Variants in ZDHHC1 observed in about 807,000 individuals in gnomAD.
ZDHHC1 encodes the protein zDHHC palmitoyltransferase 1.
Under a neutral mutation model 46.9 loss-of-function variants are expected in ZDHHC1, and 45 were observed. The observed-to-expected ratio is 0.96, with a 90% CI of 0.76 to 1.23. The LOEUF (loss-of-function observed/expected upper bound fraction) is 1.23. ZDHHC1 is among the 50% of genes most tolerant of loss of function. The probability of loss-of-function intolerance (pLI) is 0.00; values close to 1 mark genes in which losing one functional copy is unlikely to be tolerated. For synonymous variants in ZDHHC1, 291 were observed against 286.0 expected (o/e 1.02, Z -0.18); for missense variants, 649 against 670.8 (o/e 0.97, Z 0.36).
At chr16:67,398,793 G>A (rs372354325) in intron 6 of ZDHHC1, 27 bp downstream of exon 6, 20 of 1,612,310 alleles carry the variant, frequency 1.2e-5, no homozygotes, top group Non-Finnish European at 1.7e-5. Context: ...GGTTGGGGGT[G>A]AGAATAGGCC....
chr16:67,397,706 T>G (rs915567511), intron 8 of ZDHHC1, among the ~76,000 whole-genome samples: 1 of 152,156 alleles, frequency 6.6e-6, no homozygotes, highest in Non-Finnish European at 1.5e-5. Flanking sequence ...GGTCAGCCAC[T>G]GGCCTGGCCA....
Position 67,394,907 on chromosome 16 carries a change from G to T in ZDHHC1, c.1166-14C>A. The T allele has an allele frequency of 6.4e-7, 1 of 1,567,944 alleles. No homozygotes were observed. The highest frequency in any genetic ancestry group is 8.6e-7 in the Non-Finnish European group (1 of 1,157,974). On this transcript the variant is annotated splice_polypyrimidine_tract_variant and intron_variant, in intron 11 of 11. Transcript: ENST00000565726. The stretch of plus-strand genomic sequence containing the variant: ...GGGCCCTAGGCCCTGCGCAAGGGAA[G>T]GGAACATGAGCCCAGTGGCTGCGGC...
At chr16:67,400,870 C>G in intron 4 of ZDHHC1, 87 bp downstream of exon 4, 1 of 1,484,790 alleles carries the variant, frequency 6.7e-7, no homozygotes, top group Non-Finnish European at 9.2e-7. Flanking sequence ...TCTGAGGCAT[C>G]AGGGATGTCT....
Position 67,406,467 on chromosome 16 carries a change from G to T in ZDHHC1, c.10-25C>A. On this transcript the variant is annotated intron_variant, in intron 2 of 11. Coordinates refer to ENST00000565726, the MANE Select transcript of ZDHHC1 (RefSeq NM_001323627.2). The surrounding 1 kb of genome is among the most constrained non-coding windows in gnomAD (Gnocchi z 4.1). ...TCTCCAGAGGGAGAAACAGTAGAGAGAGCATTAGCCCAAGAAGCTGGGCTG... is the reference window on the plus strand; with the variant it reads ...TCTCCAGAGGGAGAAACAGTAGAGATAGCATTAGCCCAAGAAGCTGGGCTG... 6.7e-7 allele frequency: 1 copy of T among 1,485,656 alleles called. No individual in the cohort carries two copies. The highest frequency in any genetic ancestry group is 9.0e-7 in the Non-Finnish European group (1 of 1,115,428). The allele number at this position is 1,485,656 out of a possible 1,614,324, so 92.0% of individuals were successfully genotyped here.
chr16:67,398,409 G>A, intron 7 of ZDHHC1, 85 bp from the exon 8 acceptor site: 5 of 1,531,874 alleles, frequency 3.3e-6, no homozygotes, highest in Non-Finnish European at 4.4e-6. Flanking sequence ...GCCCCAGGCT[G>A]AAACCAGTGT....
In ZDHHC1 at chr16:67,401,785, C is replaced by A. The variant is rs73597086; in HGVS notation, c.253-653G>T. On this transcript the variant is annotated intron_variant, in intron 3 of 11. Coordinates refer to ENST00000565726, the MANE Select transcript of ZDHHC1 (RefSeq NM_001323627.2). This position sits in a 1 kb window ranked among gnomAD's most constrained non-coding sequence, Gnocchi z 4.6. ...AGTCTCTGAAGCTGAAACAGCTCTT[C>A]CAGGATCTAACTGCTCAATGACTGG... Among the ~76,000 whole-genome samples, 856 of 152,310 alleles carry A rather than the reference C, an allele frequency of 5.6e-3. 7 individuals carry two copies. Among genetic ancestry groups the A allele is most frequent in the African/African-American group, 0.019 (796 of 41,558 alleles).
At chr16:67,414,186 T>C (rs2040796717) in intron 1 of ZDHHC1, among the ~76,000 whole-genome samples, 1 of 152,126 alleles carries the variant, frequency 6.6e-6, no homozygotes, top group Non-Finnish European at 1.5e-5. Flanking sequence ...AATCAACTCA[T>C]GACTGCAGGA....
intron 1 of ZDHHC1, among the ~76,000 whole-genome samples, chr16:67,414,075 G>A (rs1304276895): frequency 6.6e-6 from 1 of 152,114 alleles, no homozygotes; most frequent in Non-Finnish European, 1.5e-5. Flanking sequence ...AATTGTTTGG[G>A]ATACAAATGA....
intron 8 of ZDHHC1, 60 bp from the exon 9 acceptor site, chr16:67,395,626 G>A: frequency 1.3e-6 from 2 of 1,502,010 alleles, no homozygotes; most frequent in Non-Finnish European, 1.8e-6. Flanking sequence ...AGCCTGCTGA[G>A]CCCTAAGCCC....
chr16:67,406,637 A>G lies in ZDHHC1; in HGVS notation c.10-195T>C, dbSNP rs2040666953. Among the ~76,000 whole-genome samples the G allele has an allele frequency of 6.6e-6, 1 of 152,164 alleles. No individual in the cohort carries two copies. Among genetic ancestry groups the G allele is most frequent in the South Asian group, 2.1e-4 (1 of 4,818 alleles). On this transcript the variant is annotated intron_variant, in intron 2 of 11. Coordinates refer to ENST00000565726, the MANE Select transcript of ZDHHC1 (RefSeq NM_001323627.2). This position sits in a 1 kb window ranked among gnomAD's most constrained non-coding sequence, Gnocchi z 4.1. Reference sequence around the variant, plus strand: ...GAGTGGGCTGCTGTCTCAAAGCCCAAAGCAAACCCTGGCCCTAGACTGGCC... The same window carrying G: ...GAGTGGGCTGCTGTCTCAAAGCCCAGAGCAAACCCTGGCCCTAGACTGGCC...
chr16:67,410,415 G>T (rs1567522809), intron 1 of ZDHHC1, among the ~76,000 whole-genome samples: 1 of 152,130 alleles, frequency 6.6e-6, no homozygotes, highest in Non-Finnish European at 1.5e-5. Context: ...ACCATAGAGA[G>T]TCAGGCTGGC....
At chr16:67,410,675 G>T (rs996537898) in intron 1 of ZDHHC1, among the ~76,000 whole-genome samples, 1 of 143,976 alleles carries the variant, frequency 6.9e-6, no homozygotes, top group Non-Finnish European at 1.5e-5. Flanking sequence ...TATTATTATT[G>T]TTATTATTTA....
chr16:67,410,166 G>C (rs916000395), intron 1 of ZDHHC1, among the ~76,000 whole-genome samples: 1 of 152,198 alleles, frequency 6.6e-6, no homozygotes, highest in Non-Finnish European at 1.5e-5. Flanking sequence ...CAATGGCTCA[G>C]GGTGCTTTGG....
intron 1 of ZDHHC1, among the ~76,000 whole-genome samples, chr16:67,412,805 C>CA (rs975087552): frequency 2.7e-5 from 4 of 146,548 alleles, no homozygotes; most frequent in African/African-American, 1.0e-4. Context: ...TTTTCTTTCA[C>CA]TTTTTTTTTT....
intron 3 of ZDHHC1, among the ~76,000 whole-genome samples, chr16:67,405,635 G>A (rs930385121): frequency 6.6e-6 from 1 of 152,146 alleles, no homozygotes; most frequent in African/African-American, 2.4e-5. Context: ...CTATTCCCAG[G>A]GGCATTCGAG....
chr16:67,397,937 C>T (rs986801560), intron 8 of ZDHHC1, among the ~76,000 whole-genome samples: 1 of 152,236 alleles, frequency 6.6e-6, no homozygotes, highest in Non-Finnish European at 1.5e-5. Context: ...TGCTGCAGCC[C>T]CAACCTGCTT....
At chr16:67,399,167 C>T (rs1264304733) in intron 5 of ZDHHC1, among the ~76,000 whole-genome samples, 188 bp downstream of exon 5, 2 of 152,208 alleles carry the variant, frequency 1.3e-5, no homozygotes, top group African/African-American at 4.8e-5. Context: ...AGATTCCAGG[C>T]CCACCCTTGG....
chr16:67,394,986 A>T lies in ZDHHC1; in HGVS notation c.1165+16T>A, dbSNP rs370187718. ...CGAGTTCCCAGAGCAGGACCCGGACAGGGAGAGGCGCTCACCCGACGCCGG... is the reference window on the plus strand; with the variant it reads ...CGAGTTCCCAGAGCAGGACCCGGACTGGGAGAGGCGCTCACCCGACGCCGG... On this transcript the variant is annotated intron_variant, in intron 11 of 11. Coordinates refer to ENST00000565726, the MANE Select transcript of ZDHHC1 (RefSeq NM_001323627.2). 6 of 1,603,352 alleles carry T rather than the reference A, an allele frequency of 3.7e-6. No homozygotes were observed. Among genetic ancestry groups the T allele is most frequent in the Non-Finnish European group, 5.1e-6 (6 of 1,175,040 alleles).
chr16:67,394,892 C>A lies in ZDHHC1; in HGVS notation c.1167G>T (p.Gly389=). 1 of 1,561,022 alleles carries A rather than the reference C, an allele frequency of 6.4e-7. No homozygotes were observed. Among genetic ancestry groups the A allele is most frequent in the Non-Finnish European group, 8.7e-7 (1 of 1,155,754 alleles). ...RTSETSDPAS[G]PRAPSRRSSS... is the part of the protein sequence containing the mutation. ...TGGAGCGGCGGCTGGGGGCCCTAGGCCCTGCGCAAGGGAAGGGAACATGAG... is the reference window on the plus strand; with the variant it reads ...TGGAGCGGCGGCTGGGGGCCCTAGGACCTGCGCAAGGGAAGGGAACATGAG... The change falls in exon 12 of 12, where the codon GGG becomes GGT. Residue 389 remains glycine, a splice_region_variant and synonymous_variant. Transcript: ENST00000565726.
Sources: allele counts gnomAD v4.1 joint callset (sites outside exome capture counted in the v4.1 genomes callset), GRCh38; gene constraint gnomAD v4.1.1; non-coding constraint Gnocchi (gnomAD v3.1); transcripts MANE v1.5; gene names NCBI Gene and HGNC (gene_info 2026-07-23, HGNC 2026-07-21).